SLC60A2: variants seen among roughly 807,000 people sequenced by gnomAD.
SLC60A2 encodes major facilitator superfamily domain containing 4B.
chr6:111,265,406 G>A, the SLC60A2 span: 3 of 985,174 alleles, frequency 3.0e-6, no homozygotes, highest in Non-Finnish European at 3.6e-6. Context: ...TCAGGTTCCT[G>A]GACGTGTGTT....
At chr6:111,265,693 C>T in the SLC60A2 span, among the ~76,000 whole-genome samples, 1 of 151,990 alleles carries the variant, frequency 6.6e-6, no homozygotes, top group African/African-American at 2.4e-5. Flanking sequence ...TTAGAGTTGT[C>T]TGGTGGTAGT....
the SLC60A2 span, chr6:111,262,188 G>T: frequency 7.5e-7 from 1 of 1,325,666 alleles, no homozygotes. Flanking sequence ...TATAGTGGAA[G>T]AAACTACCAC....
the SLC60A2 span, chr6:111,266,276 CT>C: frequency 4.3e-6 from 7 of 1,614,126 alleles, no homozygotes; most frequent in Non-Finnish European, 5.9e-6. Context: ...TTCTGTTCTT[CT>C]TTTTTTATGT....
At chr6:111,263,706 C>T in the SLC60A2 span, 1 of 551,870 alleles carries the variant, frequency 1.8e-6, no homozygotes. Flanking sequence ...GAAGCAAAAA[C>T]TCTCATCTAC....
chr6:111,265,361 G>A, the SLC60A2 span: 985 of 985,276 alleles, frequency 1.0e-3, 6 homozygotes, highest in African/African-American at 0.016. Flanking sequence ...CGGTGTCCTT[G>A]TTTCCTCTAA....
At chr6:111,262,286 G>A in the SLC60A2 span, 14 of 1,613,858 alleles carry the variant, frequency 8.7e-6, no homozygotes, top group East Asian at 4.5e-5. Flanking sequence ...TGGGACCCAC[G>A]TTTCAAGATT....
At chr6:111,274,228 TGA>T in the SLC60A2 span, among the ~76,000 whole-genome samples, 1 of 152,336 alleles carries the variant, frequency 6.6e-6, no homozygotes, top group African/African-American at 2.4e-5. Flanking sequence ...TTTAGCCTTT[TGA>T]ATTGATCTCT....
chr6:111,260,949 C>A, the SLC60A2 span, among the ~76,000 whole-genome samples: 1 of 152,292 alleles, frequency 6.6e-6, no homozygotes, highest in African/African-American at 2.4e-5. Flanking sequence ...AGGGGGCGCA[C>A]CCCATGCATT....
At chr6:111,271,283 A>AT in the SLC60A2 span, 1 of 151,300 alleles carries the variant, frequency 6.6e-6, no homozygotes, top group Admixed American at 6.6e-5. Flanking sequence ...TTTTGAGAGT[A>AT]TTTTTCAATT....
the SLC60A2 span, chr6:111,268,095 G>A: frequency 6.6e-6 from 1 of 152,214 alleles, no homozygotes; most frequent in Non-Finnish European, 1.5e-5. Context: ...TGTGCAAAAT[G>A]TCTGCTAGAA....
At chr6:111,276,902 C>T in the SLC60A2 span, among the ~76,000 whole-genome samples, 1 of 152,022 alleles carries the variant, frequency 6.6e-6, no homozygotes, top group African/African-American at 2.4e-5. Flanking sequence ...TGAATAGATG[C>T]CATTGCCCTT....
At chr6:111,263,892 T>G in the SLC60A2 span, 1 of 1,612,226 alleles carries the variant, frequency 6.2e-7, no homozygotes, top group Non-Finnish European at 8.5e-7. Flanking sequence ...GACAGCAATA[T>G]TACTCACTGT....
At chr6:111,273,701 T>G in the SLC60A2 span, among the ~76,000 whole-genome samples, 1 of 152,018 alleles carries the variant, frequency 6.6e-6, no homozygotes, top group Non-Finnish European at 1.5e-5. Context: ...CCAACTACTA[T>G]TGTAGTTGGA....
At chr6:111,262,245 T>C in the SLC60A2 span, 1 of 1,603,546 alleles carries the variant, frequency 6.2e-7, no homozygotes, top group South Asian at 1.1e-5. Context: ...CTTTTGTCTT[T>C]TTAAATTTTA....
the SLC60A2 span, chr6:111,266,245 A>T: frequency 3.1e-6 from 5 of 1,614,108 alleles, no homozygotes; most frequent in Non-Finnish European, 4.2e-6. Flanking sequence ...AAATATCACA[A>T]CGCCCTTCTT....
At chr6:111,269,783 G>C in the SLC60A2 span, 1 of 152,150 alleles carries the variant, frequency 6.6e-6, no homozygotes, top group Non-Finnish European at 1.5e-5. Flanking sequence ...ATCGTCATGA[G>C]ATCATAGGGC....
At chr6:111,279,882 G>A in the SLC60A2 span, among the ~76,000 whole-genome samples, 1 of 152,078 alleles carries the variant, frequency 6.6e-6, no homozygotes, top group Non-Finnish European at 1.5e-5. Context: ...CAACACTGCA[G>A]TGAGCCATGA....
At chr6:111,267,127 G>A in the SLC60A2 span, 1 of 1,588,098 alleles carries the variant, frequency 6.3e-7, no homozygotes, top group Non-Finnish European at 8.6e-7. Flanking sequence ...TAGAGAAGAT[G>A]GATTACTCAC....
chr6:111,260,300 A>T, the SLC60A2 span, among the ~76,000 whole-genome samples: 2 of 152,062 alleles, frequency 1.3e-5, no homozygotes, highest in African/African-American at 4.8e-5. Flanking sequence ...GCACCCACCC[A>T]CTCAACCCCC....
Sources: allele counts gnomAD v4.1 joint callset (sites outside exome capture counted in the v4.1 genomes callset), GRCh38; gene constraint gnomAD v4.1.1; transcripts MANE v1.5; gene names NCBI Gene and HGNC (gene_info 2026-07-23, HGNC 2026-07-21).